The following ALMS1 variants were observed in gnomAD, a reference collection of about 807,000 sequenced individuals.
ALMS1 encodes centrosome-associated protein ALMS1.
In ALMS1, 271 loss-of-function variants were observed where a neutral mutation model predicts 352.2. The observed-to-expected ratio is 0.77, with a 90% CI of 0.70 to 0.85. The LOEUF is 0.85. Ranked by LOEUF, ALMS1 falls within the 40% of genes least tolerant of loss-of-function variation. The probability of loss-of-function intolerance (pLI) is 0.00; values close to 1 mark genes in which losing one functional copy is unlikely to be tolerated. For synonymous variants in ALMS1, 1,865 were observed against 1,761.2 expected (o/e 1.06, Z -1.48); for missense variants, 5,445 against 4,870.7 (o/e 1.12, Z -3.51).
rs747511474 is a variant in ALMS1 at position 73,550,268 on chromosome 2, A to C, written c.9909A>C (p.Gly3303=). 6.2e-7 allele frequency: 1 copy of C among 1,614,004 alleles called. No homozygotes were observed. The highest frequency in any genetic ancestry group is 1.1e-5 in the South Asian group (1 of 91,046). The change falls in exon 13 of 23, where the codon GGA becomes GGC. Residue 3303 remains glycine (G), a splice_region_variant and synonymous_variant. Transcript: ENST00000613296. ...SDTTVESSHS[G]SNDAIAPDFP... is the part of the protein sequence containing the mutation. ...TATTACTTCCCCGTTTTTCTGTAGG[A>C]TCCAATGATGCCATTGCTCCAGACT...
intron 2 of ALMS1, among the ~76,000 whole-genome samples, chr2:73,411,225 CG>C (rs1671070065): frequency 6.6e-6 from 1 of 151,506 alleles, no homozygotes; most frequent in African/African-American, 2.4e-5. Flanking sequence ...AGAAGATGGC[CG>C]TGTGAAGATG....
At chr2:73,445,084 TA>T (rs558090687) in intron 7 of ALMS1, among the ~76,000 whole-genome samples, 37 of 151,712 alleles carry the variant, frequency 2.4e-4, no homozygotes, top group Admixed American at 6.6e-4. Flanking sequence ...CCAGACTTTT[TA>T]AAAAAAAATC....
At chr2:73,560,816 A>C (rs1050962012) in intron 15 of ALMS1, among the ~76,000 whole-genome samples, 4 of 152,238 alleles carry the variant, frequency 2.6e-5, no homozygotes, top group African/African-American at 9.6e-5. Flanking sequence ...TAAATCAGTC[A>C]CAAAAAGATA....
chr2:73,406,298 T>TG (rs1333921577), intron 1 of ALMS1, among the ~76,000 whole-genome samples: 2 of 152,186 alleles, frequency 1.3e-5, no homozygotes, highest in African/African-American at 2.4e-5. Context: ...ATATTAGTGT[T>TG]GCCGCTATTG....
intron 16 of ALMS1, among the ~76,000 whole-genome samples, chr2:73,593,278 T>C (rs1675470592): frequency 6.6e-6 from 1 of 152,196 alleles, no homozygotes; most frequent in Non-Finnish European, 1.5e-5. Flanking sequence ...TTGTGATTAT[T>C]GTGAATCCGT....
intron 9 of ALMS1, among the ~76,000 whole-genome samples, chr2:73,462,988 A>G (rs1192277531): frequency 1.3e-5 from 2 of 152,134 alleles, no homozygotes; most frequent in African/African-American, 4.8e-5. Flanking sequence ...AGAGACTTAG[A>G]CTCCCACACA....
At chr2:73,508,224 T>TTC (rs1558674425) in intron 10 of ALMS1, among the ~76,000 whole-genome samples, 2 of 141,876 alleles carry the variant, frequency 1.4e-5, no homozygotes, top group African/African-American at 2.6e-5. Flanking sequence ...TTTTTTTTTT[T>TTC]CCGAGTCTCA....
At chr2:73,573,538 A>G in intron 16 of ALMS1, 114 bp downstream of exon 16, 2 of 1,042,766 alleles carry the variant, frequency 1.9e-6, no homozygotes, top group South Asian at 2.7e-5. Context: ...TCTCTATACC[A>G]TTTCTTACCA....
At chr2:73,438,582 G>A (rs867719869) in intron 7 of ALMS1, among the ~76,000 whole-genome samples, 6 of 152,130 alleles carry the variant, frequency 3.9e-5, no homozygotes, top group Admixed American at 2.6e-4. Context: ...ATGGGAAATA[G>A]GAAATACAAA....
chr2:73,508,129 T>TCCTTTC lies in ALMS1; in HGVS notation c.9540-11632_9540-11627dup, dbSNP rs1216341052. Among the ~76,000 whole-genome samples, 1,145 of 149,332 alleles carry TCCTTTC rather than the reference T, an allele frequency of 7.7e-3. 11 individuals carry two copies. Among genetic ancestry groups the TCCTTTC allele is most frequent in the African/African-American group, 0.027 (1,092 of 40,874 alleles). On this transcript the variant is annotated intron_variant, in intron 10 of 22. Transcript: ENST00000613296. ...TTTTCTTTTCTCTTTTCTTTTCCTT[T>TCCTTTC]CCTTTCCCTTTCCCTTTCCTTTCCT...
chr2:73,544,846 T>C (rs1041069428), intron 12 of ALMS1, among the ~76,000 whole-genome samples: 2 of 152,190 alleles, frequency 1.3e-5, no homozygotes, highest in Non-Finnish European at 1.5e-5. Flanking sequence ...ATGTGACATA[T>C]ATGTGTAATG....
intron 8 of ALMS1, 59 bp from the exon 9 acceptor site, chr2:73,455,103 A>G (rs1057128774): frequency 1.2e-5 from 19 of 1,582,352 alleles, no homozygotes; most frequent in Middle Eastern, 4.0e-4. Flanking sequence ...CTGTGTTGCA[A>G]TTGTTGACAA....
At chr2:73,400,534 G>C (rs771010472) in intron 1 of ALMS1, among the ~76,000 whole-genome samples, 1 of 152,112 alleles carries the variant, frequency 6.6e-6, no homozygotes, top group Non-Finnish European at 1.5e-5. Context: ...CTCCTTCAGG[G>C]TTTGGTAGCA....
At chr2:73,440,454 T>TTC (rs758891704) in intron 7 of ALMS1, among the ~76,000 whole-genome samples, 126 of 150,846 alleles carry the variant, frequency 8.4e-4, no homozygotes, top group Non-Finnish European at 1.2e-3. Context: ...TTCGCTGTCT[T>TTC]TCTCTCTCTC....
In ALMS1 at chr2:73,391,316, C is replaced by T. The variant is rs1399254088; in HGVS notation, c.324+5124C>T. On this transcript the variant is annotated intron_variant, in intron 1 of 22. Transcript: ENST00000613296. ...ATTCTTTTTTTTTTTTTTTTTGAGA[C>T]GGAGTCTCGCTCTGTCACCCAGGCT... 1.3e-4 allele frequency among the ~76,000 whole-genome samples: 8 copies of T among 61,730 alleles called. No individual in the cohort carries two copies. In the African/African-American group the frequency reaches 1.5e-3, roughly 12 times the overall value. 40.5% of individuals were successfully genotyped at this position (61,730 alleles called of 152,430 possible). A position where few individuals can be genotyped will look rare whatever the true frequency, so the allele number is the denominator to read the frequency against.
intron 12 of ALMS1, among the ~76,000 whole-genome samples, chr2:73,538,981 C>G (rs1394580199): frequency 6.6e-6 from 1 of 152,168 alleles, no homozygotes; most frequent in Non-Finnish European, 1.5e-5. Flanking sequence ...AAACAAAAGG[C>G]AGCAGAAACC....
chr2:73,489,077 A>T (rs934921635), intron 9 of ALMS1, among the ~76,000 whole-genome samples: 1 of 152,234 alleles, frequency 6.6e-6, no homozygotes, highest in African/African-American at 2.4e-5. Flanking sequence ...TGTCTTACAC[A>T]TGACTTCCAA....
chr2:73,464,902 T>C (rs941217814), intron 9 of ALMS1, among the ~76,000 whole-genome samples: 2 of 148,084 alleles, frequency 1.4e-5, no homozygotes, highest in Non-Finnish European at 3.0e-5. Context: ...ATGGAAGGAC[T>C]TCTTCAAGGA....
intron 15 of ALMS1, among the ~76,000 whole-genome samples, chr2:73,562,887 C>G (rs1466661899): frequency 1.4e-5 from 2 of 146,376 alleles, no homozygotes; most frequent in South Asian, 4.3e-4. Flanking sequence ...AACTCCATCT[C>G]AAAAAAAAAG....
Sources: allele counts gnomAD v4.1 joint callset (sites outside exome capture counted in the v4.1 genomes callset), GRCh38; gene constraint gnomAD v4.1.1; transcripts MANE v1.5; gene names NCBI Gene and HGNC (gene_info 2026-07-23, HGNC 2026-07-21).